Variants in SEMA6D observed in about 807,000 individuals in gnomAD.
SEMA6D encodes the protein semaphorin-6D.
A neutral mutation model predicts 106.6 loss-of-function variants in SEMA6D; 35 were observed. The ratio of observed to expected loss-of-function variants is 0.33; its 90% CI spans 0.25 to 0.44. The LOEUF is 0.44. SEMA6D is among the 20% of genes least tolerant of loss of function. The pLI is 1.00. For missense variants in SEMA6D, 1,185 were observed against 1,345.9 expected, an observed-to-expected ratio of 0.88 and a Z score of 1.87; for synonymous variants, 499 against 487.7, an observed-to-expected ratio of 1.02 and a Z score of -0.31.
intron 3 of SEMA6D, among the ~76,000 whole-genome samples, chr15:47,566,986 C>T (rs2046248894): frequency 6.6e-6 from 1 of 152,180 alleles, no homozygotes; most frequent in Non-Finnish European, 1.5e-5. Context: ...ATGAAAATAT[C>T]AGCCTCTCTT....
chr15:47,231,594 G>A (rs113345253), intron 1 of SEMA6D, among the ~76,000 whole-genome samples: 1 of 151,866 alleles, frequency 6.6e-6, no homozygotes, highest in Admixed American at 6.6e-5. Context: ...TCCAGAATTG[G>A]CCATTTACTA....
intron 3 of SEMA6D, among the ~76,000 whole-genome samples, chr15:47,576,720 C>T (rs1228322657): frequency 6.6e-6 from 1 of 152,214 alleles, no homozygotes; most frequent in East Asian, 1.9e-4. Flanking sequence ...TAGGCACTAG[C>T]AGAATCCTTC....
At chr15:47,707,007 C>T (rs1299369708) in intron 4 of SEMA6D, among the ~76,000 whole-genome samples, 3 of 152,142 alleles carry the variant, frequency 2.0e-5, no homozygotes, top group African/African-American at 7.2e-5. Flanking sequence ...AAATTATATC[C>T]TATACATTTC....
At chr15:47,373,482 A>G (rs1388919938) in intron 1 of SEMA6D, among the ~76,000 whole-genome samples, 2 of 152,278 alleles carry the variant, frequency 1.3e-5, no homozygotes, top group East Asian at 1.9e-4. Flanking sequence ...GGAGAACCCA[A>G]TGTCATTGGA....
intron 4 of SEMA6D, among the ~76,000 whole-genome samples, chr15:47,690,439 A>G (rs919906693): frequency 5.3e-5 from 8 of 152,326 alleles, no homozygotes; most frequent in South Asian, 4.1e-4. Context: ...GACTTTGTCC[A>G]CTATTCTCCA....
At chr15:47,504,375 C>G in intron 3 of SEMA6D, among the ~76,000 whole-genome samples, 1 of 152,090 alleles carries the variant, frequency 6.6e-6, no homozygotes, top group East Asian at 1.9e-4. Context: ...CCTAGGCAGC[C>G]CTCTCTCTTC....
intron 1 of SEMA6D, among the ~76,000 whole-genome samples, chr15:47,368,114 C>A (rs556701962): frequency 2.6e-5 from 4 of 152,122 alleles, no homozygotes; most frequent in Non-Finnish European, 5.9e-5. Flanking sequence ...ATTTAGCTAC[C>A]AGTATGCAAC....
At chr15:47,501,451 T>C (rs572340342) in intron 3 of SEMA6D, among the ~76,000 whole-genome samples, 1 of 152,336 alleles carries the variant, frequency 6.6e-6, no homozygotes, top group Admixed American at 6.5e-5. Flanking sequence ...AGATCCTCCA[T>C]GGGACCAAAA....
At chr15:47,664,062 C>A (rs1042174108) in intron 4 of SEMA6D, among the ~76,000 whole-genome samples, 30 of 152,182 alleles carry the variant, frequency 2.0e-4, no homozygotes, top group African/African-American at 7.2e-4. Context: ...TAGAACAAAT[C>A]TGAAGATAAA....
At chr15:47,251,919 T>A (rs886265318) in intron 1 of SEMA6D, among the ~76,000 whole-genome samples, 8 of 134,626 alleles carry the variant, frequency 5.9e-5, no homozygotes, top group Non-Finnish European at 1.3e-4. Context: ...TTTTTTTTTT[T>A]TTTTTTTTTT....
At chr15:47,369,697 A>G (rs1396072782) in intron 1 of SEMA6D, among the ~76,000 whole-genome samples, 1 of 152,230 alleles carries the variant, frequency 6.6e-6, no homozygotes, top group Non-Finnish European at 1.5e-5. Flanking sequence ...AGCACCTGCT[A>G]AAGTATACGT....
At chr15:47,348,719 C>CA (rs2038169466) in intron 1 of SEMA6D, among the ~76,000 whole-genome samples, 1 of 19,100 alleles carries the variant, frequency 5.2e-5, no homozygotes, top group African/African-American at 9.1e-5. Flanking sequence ...ACACACACAC[C>CA]ACACACACAG....
At chr15:47,742,217 T>C (rs2080863320) in intron 1 of SEMA6D, among the ~76,000 whole-genome samples, 1 of 152,226 alleles carries the variant, frequency 6.6e-6, no homozygotes, top group African/African-American at 2.4e-5. Flanking sequence ...GTGATAATAA[T>C]ACTACTTCTT....
At chr15:47,498,649 A>G (rs1389262218) in intron 3 of SEMA6D, among the ~76,000 whole-genome samples, 1 of 152,110 alleles carries the variant, frequency 6.6e-6, no homozygotes, top group African/African-American at 2.4e-5. Flanking sequence ...AATTTGAAGG[A>G]TATGTTTATC....
At chr15:47,537,151 G>T (rs1270965225) in intron 3 of SEMA6D, among the ~76,000 whole-genome samples, 1 of 152,078 alleles carries the variant, frequency 6.6e-6, no homozygotes, top group Non-Finnish European at 1.5e-5. Context: ...CAATAAATAA[G>T]AATTAATTTT....
chr15:47,585,204 T>C (rs1342015496), intron 3 of SEMA6D, among the ~76,000 whole-genome samples: 1 of 152,224 alleles, frequency 6.6e-6, no homozygotes, highest in African/African-American at 2.4e-5. Context: ...AAGGTCTTAC[T>C]TGACGTTTAA....
Position 47,759,767 on chromosome 15 carries a change from C to A in SEMA6D, c.-32C>A. The A allele has an allele frequency of 6.6e-7, 1 of 1,522,292 alleles. No individual in the cohort carries two copies. The highest frequency in any genetic ancestry group is 9.1e-7 in the Non-Finnish European group (1 of 1,096,666). 94.3% of individuals were successfully genotyped at this position (1,522,292 alleles called of 1,614,324 possible). A position where few individuals can be genotyped will look rare whatever the true frequency, so the allele number is the denominator to read the frequency against. ...CAGGTAGCTCAGTGGCATTTCTGAG[C>A]AGGGGCCACCCTGACTTCACCTTGG... is the stretch of plus-strand genomic sequence containing the variant. On this transcript the variant is annotated 5_prime_UTR_variant, in exon 2 of 19. Coordinates refer to ENST00000536845, the MANE Select transcript of SEMA6D (RefSeq NM_001358351.3).
At chr15:47,329,245 G>A (rs922924941) in intron 1 of SEMA6D, among the ~76,000 whole-genome samples, 1 of 152,202 alleles carries the variant, frequency 6.6e-6, no homozygotes, top group African/African-American at 2.4e-5. Flanking sequence ...GCAGCAGAAA[G>A]AGCTGAGGGG....
At chr15:47,688,547 T>C (rs2078518628) in intron 4 of SEMA6D, among the ~76,000 whole-genome samples, 2 of 152,206 alleles carry the variant, frequency 1.3e-5, no homozygotes, top group Non-Finnish European at 2.9e-5. Flanking sequence ...TTAAGGGTTT[T>C]ATAGAGTATG....
Sources: gnomAD v4.1 joint callset for allele counts (sites outside exome capture counted in the v4.1 genomes callset) on GRCh38, gnomAD v4.1.1 for gene constraint, MANE v1.5 for transcripts, NCBI Gene and HGNC (gene_info 2026-07-23, HGNC 2026-07-21) for gene names.